STK10: variants seen among roughly 807,000 people sequenced by gnomAD.
STK10 encodes serine/threonine kinase 10.
STK10 carries 78 observed loss-of-function variants against 113.8 expected under a neutral mutation model. The observed-to-expected ratio is 0.69, with a 90% CI of 0.57 to 0.83. The LOEUF is 0.83. STK10 is among the 40% of genes least tolerant of loss of function. STK10 has a pLI of 0.00. For missense variants in STK10, 1,109 were observed against 1,280.1 expected, an observed-to-expected ratio of 0.87 and a Z score of 2.04; for synonymous variants, 465 against 494.7, an observed-to-expected ratio of 0.94 and a Z score of 0.80.
At chr5:172,080,796 A>G (rs1237386955) in intron 12 of STK10, among the ~76,000 whole-genome samples, 1 of 152,254 alleles carries the variant, frequency 6.6e-6, no homozygotes, top group Non-Finnish European at 1.5e-5. Flanking sequence ...GTGCTGACGG[A>G]GAAGCTGCAG....
chr5:172,113,119 T>C (rs558303628), intron 4 of STK10, among the ~76,000 whole-genome samples: 1 of 152,346 alleles, frequency 6.6e-6, no homozygotes, highest in African/African-American at 2.4e-5. Context: ...AATGCATATG[T>C]AGCAAAGTTT....
intron 2 of STK10, among the ~76,000 whole-genome samples, chr5:172,141,403 C>A (rs1392481726): frequency 6.6e-6 from 1 of 151,616 alleles, no homozygotes; most frequent in East Asian, 1.9e-4. Context: ...AAAGTGAGAC[C>A]TCGTATCTAC....
intron 10 of STK10, among the ~76,000 whole-genome samples, chr5:172,087,714 C>T (rs1238547112): frequency 1.5e-5 from 2 of 137,192 alleles, no homozygotes; most frequent in African/African-American, 3.0e-5. Context: ...CTGCAAGCTC[C>T]GCCTCCCGGG....
At chr5:172,185,155 G>C (rs571777125) in intron 1 of STK10, among the ~76,000 whole-genome samples, 1 of 152,204 alleles carries the variant, frequency 6.6e-6, no homozygotes, top group South Asian at 2.1e-4. Context: ...GCAAAGTTCT[G>C]CGTTTAAGTT....
intron 9 of STK10, among the ~76,000 whole-genome samples, chr5:172,091,704 A>C: frequency 6.6e-6 from 1 of 151,572 alleles, no homozygotes; most frequent in Non-Finnish European, 1.5e-5. Context: ...CTAATTTTTT[A>C]ATTTTTTTAA....
intron 3 of STK10, among the ~76,000 whole-genome samples, chr5:172,126,969 C>T (rs1303129473): frequency 1.3e-5 from 2 of 152,116 alleles, no homozygotes; most frequent in African/African-American, 4.8e-5. Flanking sequence ...GAATGTCCTG[C>T]GTTCTCTTCA....
intron 10 of STK10, among the ~76,000 whole-genome samples, chr5:172,084,646 A>G (rs1337383555): frequency 6.6e-6 from 1 of 151,798 alleles, no homozygotes; most frequent in Non-Finnish European, 1.5e-5. Context: ...TGAAGAGGGA[A>G]ATTTTTCACT....
At chr5:172,100,793 A>C (rs1378034204) in intron 7 of STK10, among the ~76,000 whole-genome samples, 2 of 152,208 alleles carry the variant, frequency 1.3e-5, no homozygotes, top group African/African-American at 2.4e-5. Flanking sequence ...TTTCAAAAAA[A>C]ATAAAAATAA....
intron 10 of STK10, among the ~76,000 whole-genome samples, chr5:172,085,605 C>T (rs1768535285): frequency 1.3e-5 from 2 of 149,976 alleles, no homozygotes; most frequent in African/African-American, 2.5e-5. Flanking sequence ...AGGAGAATGG[C>T]GTGAACCTGG....
At chr5:172,100,621 T>C (rs886385950) in intron 7 of STK10, among the ~76,000 whole-genome samples, 2 of 151,976 alleles carry the variant, frequency 1.3e-5, no homozygotes, top group African/African-American at 4.8e-5. Flanking sequence ...ATCCCATCTC[T>C]ACTGAAAATA....
At chr5:172,067,331 T>C (rs551679647) in intron 12 of STK10, among the ~76,000 whole-genome samples, 1 of 151,866 alleles carries the variant, frequency 6.6e-6, no homozygotes, top group Non-Finnish European at 1.5e-5. Context: ...CACTCCATCC[T>C]GGGCAACAGA....
chr5:172,069,487 T>C (rs902196728), intron 12 of STK10, among the ~76,000 whole-genome samples: 63 of 152,222 alleles, frequency 4.1e-4, no homozygotes, highest in African/African-American at 1.4e-3. Flanking sequence ...ACTAAGAAAA[T>C]ATGACTATTT....
At chr5:172,048,751 G>C (rs924920927) in intron 18 of STK10, among the ~76,000 whole-genome samples, 3 of 152,122 alleles carry the variant, frequency 2.0e-5, no homozygotes, top group African/African-American at 7.2e-5. Context: ...CAAAACATGA[G>C]TCAGACCACC....
At chr5:172,092,574 C>T (rs539229832) in intron 9 of STK10, 3 of 152,258 alleles carry the variant, frequency 2.0e-5, no homozygotes, top group East Asian at 1.9e-4. Flanking sequence ...GCTGATTGGC[C>T]GTTGCGGCTC....
Position 172,061,232 on chromosome 5 carries a change from C to G in STK10, c.2119G>C (p.Glu707Gln), listed in dbSNP as rs745917294. Residue 707 changes from glutamate (E) to glutamine (Q), a missense_variant, in exon 14 of 19, where the codon GAG (glutamate) becomes CAG (glutamine). By Grantham distance (29) the Glu-to-Gln change is conservative (BLOSUM62 2). Transcript: ENST00000176763. Reference protein sequence around the residue: ...DFVAKQKEDLELAMKRLTTDN... With the variant: ...DFVAKQKEDLQLAMKRLTTDN... ...GTGGTGAGCCTCTTCATGGCCAGCT[C>G]CAGGTCCTCCTTCTGCTTGGCTACA... is the stretch of plus-strand genomic sequence containing the variant. The G allele has an allele frequency of 3.7e-6, 6 of 1,613,478 alleles. No homozygotes were observed. Among genetic ancestry groups the G allele is most frequent in the Admixed American group, 1.7e-5 (1 of 59,948 alleles).
chr5:172,106,846 G>C, intron 5 of STK10, 32 bp from the exon 6 acceptor site: 6 of 1,592,196 alleles, frequency 3.8e-6, no homozygotes, highest in Non-Finnish European at 5.1e-6. Context: ...ATAGGGCTAA[G>C]AATCTGGCCT....
intron 17 of STK10, among the ~76,000 whole-genome samples, chr5:172,054,100 G>A (rs978746204): frequency 1.3e-5 from 2 of 152,204 alleles, no homozygotes; most frequent in African/African-American, 2.4e-5. Context: ...GTCCCCACAA[G>A]GGGGCTTCAA....
intron 8 of STK10, among the ~76,000 whole-genome samples, chr5:172,094,604 A>C (rs1768805693): frequency 6.6e-6 from 1 of 152,096 alleles, no homozygotes; most frequent in Non-Finnish European, 1.5e-5. Context: ...GGCTGGTCTC[A>C]AACTCCTGGA....
chr5:172,128,019 T>C (rs1042532655), intron 2 of STK10, among the ~76,000 whole-genome samples: 3 of 151,990 alleles, frequency 2.0e-5, no homozygotes, highest in Admixed American at 2.0e-4. Flanking sequence ...AACCCTCAGG[T>C]CATTCATTCA....
Sources: gnomAD v4.1 joint callset for allele counts (sites outside exome capture counted in the v4.1 genomes callset) on GRCh38, gnomAD v4.1.1 for gene constraint, MANE v1.5 for transcripts, NCBI Gene and HGNC (gene_info 2026-07-23, HGNC 2026-07-21) for gene names.